Variants in STK32B observed in about 807,000 individuals in gnomAD.
The protein encoded by STK32B is serine/threonine kinase 32B.
A neutral mutation model predicts 52.6 loss-of-function variants in STK32B; 43 were observed. The ratio of observed to expected loss-of-function variants is 0.82; its 90% CI spans 0.64 to 1.05. The LOEUF is 1.05. STK32B is among the 50% of genes least tolerant of loss of function. The probability of loss-of-function intolerance (pLI) is 0.00; values close to 1 mark genes in which losing one functional copy is unlikely to be tolerated. For missense variants in STK32B, 621 were observed against 534.6 expected, an observed-to-expected ratio of 1.16 and a Z score of -1.59; for synonymous variants, 238 against 204.3, an observed-to-expected ratio of 1.17 and a Z score of -1.41.
chr4:5,377,242 T>C (rs1735646075), intron 4 of STK32B, among the ~76,000 whole-genome samples: 1 of 152,154 alleles, frequency 6.6e-6, no homozygotes, highest in African/African-American at 2.4e-5. Flanking sequence ...AATTCACACT[T>C]TTAAATTGAG....
chr4:5,181,329 G>GACAC (rs751590603), intron 3 of STK32B, among the ~76,000 whole-genome samples: 31,670 of 137,786 alleles, frequency 0.23, 3,835 homozygotes, highest in Non-Finnish European at 0.3. Context: ...TGGAGAGTGA[G>GACAC]ACACACACAC....
chr4:5,257,029 G>A (rs1321546108), intron 3 of STK32B, among the ~76,000 whole-genome samples: 1 of 151,996 alleles, frequency 6.6e-6, no homozygotes, highest in Non-Finnish European at 1.5e-5. Flanking sequence ...GTGAATGAGT[G>A]GATGAATAAG....
intron 6 of STK32B, among the ~76,000 whole-genome samples, chr4:5,419,625 G>T (rs944038697): frequency 1.3e-5 from 2 of 152,164 alleles, no homozygotes; most frequent in African/African-American, 4.8e-5. Context: ...CTGCTTTGTT[G>T]CTTCTCTTGG....
intron 4 of STK32B, among the ~76,000 whole-genome samples, chr4:5,357,018 TATATACACAC>T (rs1734217271): frequency 1.3e-5 from 2 of 150,376 alleles, no homozygotes; most frequent in African/African-American, 5.0e-5. Context: ...TATATATATA[TATATACACAC>T]ACACACACAC....
intron 3 of STK32B, among the ~76,000 whole-genome samples, chr4:5,290,505 A>G (rs1317895009): frequency 1.3e-5 from 2 of 152,298 alleles, no homozygotes; most frequent in East Asian, 3.9e-4. Context: ...GCTGATAATA[A>G]TCTTTATCTC....
rs1332455670 is a variant in STK32B at position 5,466,817 on chromosome 4, A to G, written c.1024A>G (p.Lys342Glu). 1.2e-6 allele frequency: 2 copies of G among 1,613,720 alleles called. No individual in the cohort carries two copies. The highest frequency in any genetic ancestry group is 1.1e-5 in the South Asian group (1 of 91,004). ...LAKNRSRDGTKDSCPLNGHLQ... is the reference protein window; with the variant it reads ...LAKNRSRDGTEDSCPLNGHLQ... ...AAAGAACAGATCCAGGGATGGCACA[A>G]AGGACAGCTGCCCGCTGGTGAGTGC... Residue 342 changes from lysine (K) to glutamate (E), a missense_variant, in exon 10 of 12, where the codon AAG becomes GAG. Transcript: ENST00000282908.
At position 5,378,073 on chromosome 4, in the gene STK32B, G is replaced by A. The variant is rs926949486; in HGVS notation, c.435-20134G>A. On this transcript the variant is annotated intron_variant, in intron 4 of 11. Coordinates refer to ENST00000282908, the MANE Select transcript of STK32B (RefSeq NM_018401.3). This position sits in a 1 kb window ranked among gnomAD's most constrained non-coding sequence, Gnocchi z 4.4. ...CAAATGTTACTGAGATGTTAAAGACGTAATAGTACCAAGTTGAGACATTCT... is the reference window on the plus strand; with the variant it reads ...CAAATGTTACTGAGATGTTAAAGACATAATAGTACCAAGTTGAGACATTCT... Among the ~76,000 whole-genome samples, 66 of 152,324 alleles carry A rather than the reference G, an allele frequency of 4.3e-4. No individual in the cohort carries two copies. The highest frequency in any genetic ancestry group is 1.2e-3 in the African/African-American group (50 of 41,580).
At chr4:5,183,496 A>G (rs1279903822) in intron 3 of STK32B, among the ~76,000 whole-genome samples, 1 of 152,036 alleles carries the variant, frequency 6.6e-6, no homozygotes, top group Non-Finnish European at 1.5e-5. Flanking sequence ...AAAAAAATTA[A>G]ATTAAAAAAT....
intron 5 of STK32B, among the ~76,000 whole-genome samples, chr4:5,405,691 G>A (rs1160516524): frequency 2.0e-5 from 3 of 152,212 alleles, no homozygotes; most frequent in Admixed American, 1.3e-4. Context: ...GTCAGGGGAA[G>A]TGCTACACAC....
At chr4:5,242,365 T>C (rs995645992) in intron 3 of STK32B, among the ~76,000 whole-genome samples, 3 of 152,246 alleles carry the variant, frequency 2.0e-5, no homozygotes, top group Admixed American at 6.5e-5. Flanking sequence ...TTTGGCTGCA[T>C]AAATGTCTTC....
intron 6 of STK32B, among the ~76,000 whole-genome samples, chr4:5,421,662 C>T (rs762350946): frequency 3.3e-5 from 5 of 152,218 alleles, no homozygotes; most frequent in African/African-American, 9.6e-5. Context: ...TCTGAGGCAG[C>T]CCAGTCCAGG....
chr4:5,302,586 T>G (rs1410921285), intron 3 of STK32B, among the ~76,000 whole-genome samples: 1 of 152,070 alleles, frequency 6.6e-6, no homozygotes, highest in Non-Finnish European at 1.5e-5. Flanking sequence ...TTGCCATTGG[T>G]TAATATATTC....
At position 5,113,115 on chromosome 4, in the gene STK32B, A is replaced by G. The variant is rs148847869; in HGVS notation, c.53-26790A>G. On this transcript the variant is annotated intron_variant, in intron 1 of 11. Coordinates refer to ENST00000282908, the MANE Select transcript of STK32B (RefSeq NM_018401.3). ...TTCTTACATTGAAACCTAATCCCCA[A>G]TGTGATGGTGTTAGGAGGTGGGGGC... Among the ~76,000 whole-genome samples the G allele has an allele frequency of 5.3e-5, 8 of 152,220 alleles. No individual in the cohort carries two copies. In the East Asian group the frequency reaches 1.5e-3, roughly 29 times the overall value.
chr4:5,268,724 G>T (rs1727220098), intron 3 of STK32B, among the ~76,000 whole-genome samples: 1 of 152,026 alleles, frequency 6.6e-6, no homozygotes, highest in Non-Finnish European at 1.5e-5. Context: ...ACATGCCACG[G>T]TTGTCAATTT....
chr4:5,118,707 C>T (rs1038029593), intron 1 of STK32B, among the ~76,000 whole-genome samples: 21 of 152,338 alleles, frequency 1.4e-4, no homozygotes, highest in African/African-American at 4.6e-4. Context: ...CTCTGTCTTC[C>T]TGCTCAGAAG....
chr4:5,260,758 T>C (rs1225029512), intron 3 of STK32B, among the ~76,000 whole-genome samples: 1 of 151,998 alleles, frequency 6.6e-6, no homozygotes, highest in Non-Finnish European at 1.5e-5. Context: ...GACTCTGACA[T>C]GGAAGTTAGC....
rs540812536 is a variant in STK32B at position 5,482,185 on chromosome 4, A to G, written c.1106+14115A>G. Among the ~76,000 whole-genome samples the G allele has an allele frequency of 1.1e-4, 16 of 152,260 alleles. No homozygotes were observed. In the East Asian group the frequency reaches 3.1e-3, roughly 29 times the overall value. On this transcript the variant is annotated intron_variant, in intron 11 of 11. Transcript: ENST00000282908. ...ATAAATTACCTTGGGCAGTATGGCC[A>G]TTTTCACGATATTGATTCTTCCTAC...
intron 3 of STK32B, among the ~76,000 whole-genome samples, chr4:5,329,610 C>T (rs750935013): frequency 5.1e-4 from 78 of 152,182 alleles, no homozygotes; most frequent in Non-Finnish European, 8.7e-4. Context: ...GTCAGCCCAG[C>T]CCCTCCCAGG....
intron 6 of STK32B, among the ~76,000 whole-genome samples, chr4:5,435,242 T>G (rs2109097963): frequency 6.6e-6 from 1 of 152,308 alleles, no homozygotes; most frequent in East Asian, 1.9e-4. Flanking sequence ...CTTGGGGAAT[T>G]GTATTCATTT....
Sources: gnomAD v4.1 joint callset for allele counts (sites outside exome capture counted in the v4.1 genomes callset) on GRCh38, gnomAD v4.1.1 for gene constraint, Gnocchi (gnomAD v3.1) non-coding constraint, MANE v1.5 for transcripts, NCBI Gene and HGNC (gene_info 2026-07-23, HGNC 2026-07-21) for gene names.